The following SORCS3 variants were observed in gnomAD, a reference collection of about 807,000 sequenced individuals.
The protein encoded by SORCS3 is VPS10 domain-containing receptor SorCS3.
A neutral mutation model predicts 146.3 loss-of-function variants in SORCS3; 57 were observed. The observed-to-expected ratio is 0.39, with a 90% CI of 0.31 to 0.49. SORCS3 has a LOEUF of 0.49. Ranked by LOEUF, SORCS3 falls within the 20% of genes least tolerant of loss-of-function variation. The pLI is 0.92. For missense variants in SORCS3, 1,341 were observed against 1,575.5 expected, an observed-to-expected ratio of 0.85 and a Z score of 2.52; for synonymous variants, 653 against 618.5, an observed-to-expected ratio of 1.06 and a Z score of -0.83.
At chr10:104,721,493 GT>G (rs2016548070) in intron 1 of SORCS3, among the ~76,000 whole-genome samples, 1 of 151,526 alleles carries the variant, frequency 6.6e-6, no homozygotes, top group Admixed American at 6.6e-5. Context: ...CTTTAAAGTA[GT>G]TTTTTCCAAT....
At chr10:104,702,904 G>A (rs758436275) in intron 1 of SORCS3, among the ~76,000 whole-genome samples, 2 of 152,150 alleles carry the variant, frequency 1.3e-5, no homozygotes, top group African/African-American at 2.4e-5. Context: ...CATTCATTCA[G>A]TTTCTCTTTA....
chr10:104,803,140 G>A (rs1010862968), intron 1 of SORCS3, among the ~76,000 whole-genome samples: 2 of 152,200 alleles, frequency 1.3e-5, no homozygotes, highest in African/African-American at 4.8e-5. Flanking sequence ...GAAATTGCAT[G>A]TGTCACTTTC....
chr10:104,814,220 C>A (rs903749284), intron 1 of SORCS3, among the ~76,000 whole-genome samples: 9 of 152,214 alleles, frequency 5.9e-5, no homozygotes, highest in Non-Finnish European at 1.2e-4. Context: ...GACCTGCCTT[C>A]TGTTTCCTCT....
At chr10:104,925,994 T>C (rs753812913) in intron 3 of SORCS3, among the ~76,000 whole-genome samples, 5 of 152,222 alleles carry the variant, frequency 3.3e-5, no homozygotes, top group African/African-American at 4.8e-5. Flanking sequence ...AGAAAGATTG[T>C]TACTACTGGG....
intron 5 of SORCS3, among the ~76,000 whole-genome samples, chr10:105,073,561 T>C (rs2055570986): frequency 6.6e-6 from 1 of 152,206 alleles, no homozygotes; most frequent in Non-Finnish European, 1.5e-5. Flanking sequence ...TCCATGAGGC[T>C]ACTGGTAGTT....
chr10:105,223,386 G>T, intron 20 of SORCS3, 137 bp downstream of exon 20: 1 of 772,170 alleles, frequency 1.3e-6, no homozygotes, highest in South Asian at 4.1e-5. Context: ...CCACAAAATT[G>T]AATAAAACAT....
chr10:105,052,908 C>T (rs1186999511), intron 5 of SORCS3, among the ~76,000 whole-genome samples: 1 of 152,102 alleles, frequency 6.6e-6, no homozygotes, highest in African/African-American at 2.4e-5. Flanking sequence ...TGGTCTGGGG[C>T]TGTGCATTAG....
intron 7 of SORCS3, among the ~76,000 whole-genome samples, chr10:105,114,963 A>G (rs1334849616): frequency 6.6e-6 from 1 of 152,158 alleles, no homozygotes; most frequent in South Asian, 2.1e-4. Flanking sequence ...TAGTACTGTT[A>G]TAAAGTGTTG....
At chr10:104,785,892 G>A (rs1428642552) in intron 1 of SORCS3, among the ~76,000 whole-genome samples, 1 of 152,200 alleles carries the variant, frequency 6.6e-6, no homozygotes, top group Non-Finnish European at 1.5e-5. Context: ...GCATACTGAT[G>A]CATGCACACG....
At chr10:104,921,537 G>A (rs1390915975) in intron 3 of SORCS3, among the ~76,000 whole-genome samples, 1 of 147,412 alleles carries the variant, frequency 6.8e-6, no homozygotes, top group Non-Finnish European at 1.5e-5. Flanking sequence ...GTGTGTGTGT[G>A]ATGAAAACTA....
chr10:104,709,423 C>T (rs1370499684), intron 1 of SORCS3, among the ~76,000 whole-genome samples: 3 of 152,078 alleles, frequency 2.0e-5, no homozygotes, highest in South Asian at 4.2e-4. Context: ...TTGATATGTA[C>T]CATCCCTTTA....
chr10:105,120,019 G>A (rs913938605), intron 7 of SORCS3, among the ~76,000 whole-genome samples: 4 of 152,186 alleles, frequency 2.6e-5, no homozygotes, highest in African/African-American at 9.7e-5. Flanking sequence ...GTTTGACTGT[G>A]TCTTCATCCA....
intron 1 of SORCS3, 60 bp downstream of exon 1, chr10:104,642,014 GTGGGT>G: frequency 1.4e-6 from 2 of 1,381,848 alleles, no homozygotes; most frequent in East Asian, 2.7e-5. Flanking sequence ...GAATGGGGGG[GTGGGT>G]GGGAGCGAGG....
chr10:105,159,722 A>C (rs567951654), intron 11 of SORCS3, among the ~76,000 whole-genome samples: 1 of 152,194 alleles, frequency 6.6e-6, no homozygotes, highest in Non-Finnish European at 1.5e-5. Context: ...AAAGCAGATA[A>C]ATTCACAGTG....
intron 5 of SORCS3, among the ~76,000 whole-genome samples, chr10:105,080,381 C>A (rs2055615264): frequency 1.3e-5 from 2 of 151,912 alleles, no homozygotes; most frequent in South Asian, 2.1e-4. Context: ...CTGTTCATGT[C>A]TTTTGCCCAC....
At chr10:104,804,034 G>T (rs2017654805) in intron 1 of SORCS3, among the ~76,000 whole-genome samples, 1 of 152,186 alleles carries the variant, frequency 6.6e-6, no homozygotes, top group South Asian at 2.1e-4. Context: ...CAAGTTTGTG[G>T]AGCTATATCA....
chr10:104,841,507 G>T (rs1429678039), intron 1 of SORCS3, among the ~76,000 whole-genome samples: 3 of 152,022 alleles, frequency 2.0e-5, no homozygotes, highest in Admixed American at 6.6e-5. Context: ...GGCACATAAT[G>T]GATCATATCC....
chr10:104,810,519 A>C (rs2017728673), intron 1 of SORCS3, among the ~76,000 whole-genome samples: 1 of 152,236 alleles, frequency 6.6e-6, no homozygotes, highest in South Asian at 2.1e-4. Flanking sequence ...CATCATATTA[A>C]GTAGTACAGT....
intron 1 of SORCS3, among the ~76,000 whole-genome samples, chr10:104,730,263 G>A (rs776661534): frequency 1.3e-5 from 2 of 152,072 alleles, no homozygotes; most frequent in Admixed American, 1.3e-4. Flanking sequence ...TGTTTGTATC[G>A]GCATTTTACA....
Sources: allele counts gnomAD v4.1 joint callset (sites outside exome capture counted in the v4.1 genomes callset), GRCh38; gene constraint gnomAD v4.1.1; transcripts MANE v1.5; gene names NCBI Gene and HGNC (gene_info 2026-07-23, HGNC 2026-07-21).